The following NRG3 variants were observed in gnomAD, a reference collection of about 807,000 sequenced individuals.
NRG3 encodes the protein neuregulin 3.
NRG3 carries 31 observed loss-of-function variants against 66.9 expected under a neutral mutation model. The observed-to-expected ratio is 0.46, with a 90% CI of 0.35 to 0.63. The LOEUF is 0.63. Among genes scored for constraint, NRG3 ranks in the 20% least tolerant of loss-of-function variants. The pLI is 0.00. For synonymous variants in NRG3, 393 were observed against 359.4 expected (o/e 1.09, Z -1.06); for missense variants, 910 against 878.9 (o/e 1.04, Z -0.45).
chr10:82,309,766 G>GT (rs1191384946), intron 1 of NRG3, among the ~76,000 whole-genome samples: 3 of 152,204 alleles, frequency 2.0e-5, no homozygotes, highest in African/African-American at 7.2e-5. Flanking sequence ...GAATCACAGT[G>GT]TCGGGGAGGT....
At chr10:82,208,384 TATA>T (rs2075233095) in intron 1 of NRG3, among the ~76,000 whole-genome samples, 1 of 152,178 alleles carries the variant, frequency 6.6e-6, no homozygotes, top group African/African-American at 2.4e-5. Flanking sequence ...CCAGCAAGAT[TATA>T]ATAATAATTC....
intron 1 of NRG3, among the ~76,000 whole-genome samples, chr10:82,307,482 G>T (rs896184533): frequency 3.9e-5 from 6 of 152,244 alleles, no homozygotes; most frequent in African/African-American, 1.4e-4. Context: ...TCCAAGATTA[G>T]TATGATATTT....
At chr10:82,399,781 G>T in intron 2 of NRG3, among the ~76,000 whole-genome samples, 1 of 152,202 alleles carries the variant, frequency 6.6e-6, no homozygotes, top group East Asian at 1.9e-4. Flanking sequence ...GCAAGGCATT[G>T]AGAGTGGAGA....
chr10:81,995,005 T>G (rs943644632), intron 1 of NRG3, among the ~76,000 whole-genome samples: 2 of 152,178 alleles, frequency 1.3e-5, no homozygotes, highest in African/African-American at 4.8e-5. Flanking sequence ...TTCTTTCTTA[T>G]GTGAATTTGG....
At chr10:82,726,618 T>C (rs941531967) in intron 2 of NRG3, among the ~76,000 whole-genome samples, 1 of 152,174 alleles carries the variant, frequency 6.6e-6, no homozygotes, top group Non-Finnish European at 1.5e-5. Flanking sequence ...ATTAAACCTC[T>C]TTTGTAAATT....
chr10:81,991,116 G>A (rs1047059664), intron 1 of NRG3, among the ~76,000 whole-genome samples: 2 of 152,120 alleles, frequency 1.3e-5, no homozygotes, highest in African/African-American at 2.4e-5. Context: ...ATAGAACCAG[G>A]AAGAGTTGGG....
chr10:82,373,049 C>T lies in NRG3; in HGVS notation c.953+14181C>T, dbSNP rs2084989864. Among the ~76,000 whole-genome samples the T allele has an allele frequency of 3.3e-5, 5 of 152,220 alleles. No homozygotes were observed. The South Asian group carries it at 1.0e-3, about 31-fold the overall frequency. On this transcript the variant is annotated intron_variant, in intron 2 of 8. Transcript: ENST00000372141. Reference sequence around the variant, plus strand: ...GGCACATTCAAGTGAAAATGTTCTACAATTCCCTAGGTAGTATTTCTTTTC... The same window carrying T: ...GGCACATTCAAGTGAAAATGTTCTATAATTCCCTAGGTAGTATTTCTTTTC...
intron 2 of NRG3, among the ~76,000 whole-genome samples, chr10:82,455,480 G>A (rs2091225099): frequency 6.6e-6 from 1 of 152,128 alleles, no homozygotes; most frequent in Non-Finnish European, 1.5e-5. Context: ...ATTGTACAGG[G>A]CACTTACATA....
intron 4 of NRG3, among the ~76,000 whole-genome samples, chr10:82,940,588 C>A (rs1848499007): frequency 6.6e-6 from 1 of 152,158 alleles, no homozygotes; most frequent in African/African-American, 2.4e-5. Context: ...GTACCCTACA[C>A]TGCATAGCTT....
At chr10:82,677,062 C>CTT (rs34914984) in intron 2 of NRG3, among the ~76,000 whole-genome samples, 4 of 135,312 alleles carry the variant, frequency 3.0e-5, no homozygotes, top group African/African-American at 8.8e-5. Flanking sequence ...CTCTCTCTCT[C>CTT]TTTTTTTTTT....
chr10:82,599,678 G>T (rs1565113042), intron 2 of NRG3, among the ~76,000 whole-genome samples: 1 of 152,036 alleles, frequency 6.6e-6, no homozygotes, highest in Admixed American at 6.6e-5. Flanking sequence ...GTCGGGCGTG[G>T]TGGTGTTGCA....
chr10:81,942,744 T>C (rs1334754427), intron 1 of NRG3, among the ~76,000 whole-genome samples: 1 of 152,118 alleles, frequency 6.6e-6, no homozygotes, highest in Non-Finnish European at 1.5e-5. Context: ...ATATACCAGG[T>C]GGACTTTCAC....
At chr10:82,817,848 T>C (rs972010058) in intron 3 of NRG3, among the ~76,000 whole-genome samples, 2 of 152,204 alleles carry the variant, frequency 1.3e-5, no homozygotes, top group Non-Finnish European at 2.9e-5. Context: ...GGCTGATCCA[T>C]TGAAGACCCA....
intron 2 of NRG3, among the ~76,000 whole-genome samples, chr10:82,687,472 A>C (rs954095905): frequency 3.3e-5 from 5 of 152,168 alleles, no homozygotes; most frequent in African/African-American, 2.4e-5. Flanking sequence ...TATTAGATAT[A>C]AACTGCAGAT....
chr10:82,531,795 A>C (rs1226417559), intron 2 of NRG3, among the ~76,000 whole-genome samples: 1 of 151,794 alleles, frequency 6.6e-6, no homozygotes, highest in Non-Finnish European at 1.5e-5. Context: ...TCTTTTCTTT[A>C]AATTTTTATT....
intron 2 of NRG3, among the ~76,000 whole-genome samples, chr10:82,724,817 T>A (rs958074877): frequency 6.6e-6 from 1 of 152,214 alleles, no homozygotes. Flanking sequence ...CTGTCTCTCC[T>A]TTATAATGTC....
At chr10:82,671,314 T>C (rs2053254092) in intron 2 of NRG3, among the ~76,000 whole-genome samples, 1 of 152,244 alleles carries the variant, frequency 6.6e-6, no homozygotes, top group Admixed American at 6.5e-5. Flanking sequence ...TTCTCATTGG[T>C]TGAAATATGT....
chr10:82,521,872 ACCAGATGAAGAAACCACT>A lies in NRG3; in HGVS notation c.953+163005_953+163022del, dbSNP rs372033786. Among the ~76,000 whole-genome samples, 640 of 152,240 alleles carry A rather than the reference ACCAGATGAAGAAACCACT, an allele frequency of 4.2e-3. 3 individuals carry two copies. Among genetic ancestry groups the A allele is most frequent in the African/African-American group, 0.015 (623 of 41,556 alleles). On this transcript the variant is annotated intron_variant, in intron 2 of 8. Coordinates refer to ENST00000372141, the MANE Select transcript of NRG3 (RefSeq NM_001010848.4). Reference sequence around the variant, plus strand: ...CTTCAACAATGGTCACAGAGTCTTCACCAGATGAAGAAACCACTTTCTTTGTTCATCCATAAAATGCAA... The same window carrying A: ...CTTCAACAATGGTCACAGAGTCTTCATTCTTTGTTCATCCATAAAATGCAA...
intron 2 of NRG3, among the ~76,000 whole-genome samples, chr10:82,714,164 A>G (rs997412754): frequency 3.3e-5 from 5 of 152,246 alleles, no homozygotes; most frequent in Admixed American, 1.3e-4. Context: ...TGACATATAC[A>G]TGCAATATGC....
Sources: gnomAD v4.1 joint callset for allele counts (sites outside exome capture counted in the v4.1 genomes callset) on GRCh38, gnomAD v4.1.1 for gene constraint, MANE v1.5 for transcripts, NCBI Gene and HGNC (gene_info 2026-07-23, HGNC 2026-07-21) for gene names.